The following NET1 variants were observed in gnomAD, a reference collection of about 807,000 sequenced individuals.
NET1 encodes neuroepithelial cell transforming 1.
In NET1, 42 loss-of-function variants were observed where a neutral mutation model predicts 61.1. The ratio of observed to expected loss-of-function variants is 0.69; its 90% CI spans 0.54 to 0.89. NET1 has a LOEUF of 0.89. Among genes scored for constraint, NET1 ranks in the 40% least tolerant of loss-of-function variants. The pLI, the probability that NET1 is intolerant of heterozygous loss-of-function variation, is 0.00. For missense variants in NET1, 654 were observed against 747.3 expected (o/e 0.88, Z 1.46); for synonymous variants, 254 against 281.8 (o/e 0.90, Z 0.99).
rs11294583 is a variant in NET1 at position 5,437,668 on chromosome 10, A to AT, written c.255+8450dup. Among the ~76,000 whole-genome samples the AT allele has an allele frequency of 0.69, 102,937 of 149,848 alleles. 35,419 individuals are homozygous for AT. Among genetic ancestry groups the AT allele is most frequent in the Admixed American group, 0.74 (11,068 of 15,028 alleles). The stretch of plus-strand genomic sequence containing the variant: ...TTTTCAACTCTGTATTTTCCCTAGT[A>AT]TTTTTTTTTTTAACCAACTATTGGG... On this transcript the variant is annotated intron_variant, in intron 3 of 11. Coordinates refer to ENST00000355029, the MANE Select transcript of NET1 (RefSeq NM_001047160.3). This position sits in a 1 kb window ranked among gnomAD's most constrained non-coding sequence, Gnocchi z 4.3.
At position 5,456,421 on chromosome 10, in the gene NET1, A is replaced by T; in HGVS notation, c.1384+148A>T. ...GAGTTGTCCAGGCCTTCCCAGCTCG[A>T]ACACCCGCAGGTGTATCTAAGAAAT... On this transcript the variant is annotated intron_variant, in intron 11 of 11. Transcript: ENST00000355029. The surrounding 1 kb of genome is among the most constrained non-coding windows in gnomAD (Gnocchi z 7.0). 1 of 1,030,720 alleles carries T rather than the reference A, an allele frequency of 9.7e-7. No homozygotes were observed. 63.8% of individuals were successfully genotyped at this position (1,030,720 alleles called of 1,614,324 possible). A position where few individuals can be genotyped will look rare whatever the true frequency, so the allele number is the denominator to read the frequency against.
chr10:5,455,511 A>T lies in NET1; in HGVS notation c.1197+393A>T, dbSNP rs60653996. ...AAGCAGATTGAATGAATGCAAATGT[A>T]TTTTTTAAATGCTAATTATAAAAGT... On this transcript the variant is annotated intron_variant, in intron 10 of 11. Coordinates refer to ENST00000355029, the MANE Select transcript of NET1 (RefSeq NM_001047160.3). This position sits in a 1 kb window ranked among gnomAD's most constrained non-coding sequence, Gnocchi z 6.5. Among the ~76,000 whole-genome samples, 3,225 of 152,304 alleles carry T rather than the reference A, an allele frequency of 0.021. 97 individuals carry two copies. Among genetic ancestry groups the T allele is most frequent in the African/African-American group, 0.073 (3,045 of 41,550 alleles).
chr10:5,433,375 G>T (rs1193982656), intron 3 of NET1, among the ~76,000 whole-genome samples: 1 of 152,170 alleles, frequency 6.6e-6, no homozygotes, highest in Non-Finnish European at 1.5e-5. Context: ...AAACACTGCA[G>T]TATCTGGGCT....
In NET1 at chr10:5,457,708, GTGTA is replaced by G. The variant is rs1187930189; in HGVS notation, c.*718_*721del. 1 of 151,946 alleles carries G rather than the reference GTGTA, an allele frequency of 6.6e-6. No individual in the cohort carries two copies. Among genetic ancestry groups the G allele is most frequent in the Non-Finnish European group, 1.5e-5 (1 of 67,862 alleles). 9.4% of individuals were successfully genotyped at this position (151,946 alleles called of 1,614,324 possible). The stretch of plus-strand genomic sequence containing the variant: ...TTTTTCTTCCTGATTAAAAATGTGT[GTGTA>G]TGTGTGTGTGTGTGTGTATATATAT... On this transcript the variant is annotated 3_prime_UTR_variant, in exon 12 of 12. Coordinates refer to ENST00000355029, the MANE Select transcript of NET1 (RefSeq NM_001047160.3). The surrounding 1 kb of genome is among the most constrained non-coding windows in gnomAD (Gnocchi z 5.4).
At chr10:5,429,861 G>A (rs1832321198) in intron 3 of NET1, among the ~76,000 whole-genome samples, 1 of 151,076 alleles carries the variant, frequency 6.6e-6, no homozygotes, top group Admixed American at 6.6e-5. Flanking sequence ...GTAGCATCTT[G>A]GTTTTGGAGA....
In NET1 at chr10:5,455,796, T is replaced by C. The variant is rs1832787081; in HGVS notation, c.1198-291T>C. Among the ~76,000 whole-genome samples the C allele has an allele frequency of 6.6e-6, 1 of 152,244 alleles. No homozygotes were observed. Among genetic ancestry groups the C allele is most frequent in the South Asian group, 2.1e-4 (1 of 4,828 alleles). ...TATACAACGCTAGTGTTTCAAGTCA[T>C]GTTGCTACTAATAGGTCTTTGTGAT... On this transcript the variant is annotated intron_variant, in intron 10 of 11. Coordinates refer to ENST00000355029, the MANE Select transcript of NET1 (RefSeq NM_001047160.3). This position sits in a 1 kb window ranked among gnomAD's most constrained non-coding sequence, Gnocchi z 6.5.
At chr10:5,432,107 T>C (rs895150490) in intron 3 of NET1, among the ~76,000 whole-genome samples, 9 of 152,228 alleles carry the variant, frequency 5.9e-5, no homozygotes, top group Non-Finnish European at 1.3e-4. Context: ...AAAAGGAGTC[T>C]GGTTGCTTTG....
At position 5,454,637 on chromosome 10, in the gene NET1, T is replaced by G. The variant is rs1255228967; in HGVS notation, c.1026+115T>G. The G allele has an allele frequency of 1.6e-5, 20 of 1,269,610 alleles. No homozygotes were observed. In the East Asian group the frequency reaches 4.8e-4, roughly 30 times the overall value. 78.6% of individuals were successfully genotyped at this position (1,269,610 alleles called of 1,614,324 possible). A position where few individuals can be genotyped will look rare whatever the true frequency, so the allele number is the denominator to read the frequency against. On this transcript the variant is annotated intron_variant, in intron 9 of 11. Transcript: ENST00000355029. The surrounding 1 kb of genome is among the most constrained non-coding windows in gnomAD (Gnocchi z 8.1). ...TCAGCATAGTGAATTGTTTTGTTGT[T>G]TTAAGTACCCAGTGCGTTAGTACGC...
In NET1 at chr10:5,447,644, A is replaced by G. The variant is rs1832637330; in HGVS notation, c.256-4186A>G. ...ACTTATCTAATTGTGCATTTTAAAT[A>G]TGTAAAGCTTACTGAATACCCCAGC... is the stretch of plus-strand genomic sequence containing the variant. On this transcript the variant is annotated intron_variant, in intron 3 of 11. Coordinates refer to ENST00000355029, the MANE Select transcript of NET1 (RefSeq NM_001047160.3). This position sits in a 1 kb window ranked among gnomAD's most constrained non-coding sequence, Gnocchi z 4.1. Among the ~76,000 whole-genome samples the G allele has an allele frequency of 6.6e-6, 1 of 152,216 alleles. No individual in the cohort carries two copies. The highest frequency in any genetic ancestry group is 2.1e-4 in the South Asian group (1 of 4,836).
Position 5,429,097 on chromosome 10 carries a change from T to TA in NET1, c.196-73_196-72insA, listed in dbSNP as rs1564460390. 3 of 1,075,018 alleles carry TA rather than the reference T, an allele frequency of 2.8e-6. No individual in the cohort carries two copies. The Admixed American group carries it at 6.5e-5, about 23-fold the overall frequency. The allele number at this position is 1,075,018 out of a possible 1,614,324, so 66.6% of individuals were successfully genotyped here. A position where few individuals can be genotyped will look rare whatever the true frequency, so the allele number is the denominator to read the frequency against. ...CTTTTTTAAATTGATTTTTCTAGTT[T>TA]TATAGAGTCTTTGTTTTGTGAGGTA... On this transcript the variant is annotated intron_variant, in intron 2 of 11. Transcript: ENST00000355029.
In NET1 at chr10:5,456,053, T is replaced by A. The variant is rs751038021; in HGVS notation, c.1198-34T>A. The A allele has an allele frequency of 6.3e-7, 1 of 1,577,734 alleles. No individual in the cohort carries two copies. Among genetic ancestry groups the A allele is most frequent in the South Asian group, 1.2e-5 (1 of 86,366 alleles). On this transcript the variant is annotated intron_variant, in intron 10 of 11. Transcript: ENST00000355029. This position sits in a 1 kb window ranked among gnomAD's most constrained non-coding sequence, Gnocchi z 7.0. Reference sequence around the variant, plus strand: ...TATTTCAGTCACTTAAAAACACAAGTTTCCTATTTAGCGTTTGTTTCCCAT... The same window carrying A: ...TATTTCAGTCACTTAAAAACACAAGATTCCTATTTAGCGTTTGTTTCCCAT...
In NET1 at chr10:5,446,934, T is replaced by A; in HGVS notation, c.256-4896T>A. ...GGAGCTTTTAAAATTTTTAACAAGG[T>A]ATTAACAGTATAATTTTAAACTTTT... is the stretch of plus-strand genomic sequence containing the variant. On this transcript the variant is annotated intron_variant, in intron 3 of 11. Coordinates refer to ENST00000355029, the MANE Select transcript of NET1 (RefSeq NM_001047160.3). This position sits in a 1 kb window ranked among gnomAD's most constrained non-coding sequence, Gnocchi z 5.0. 1 of 1,143,794 alleles carries A rather than the reference T, an allele frequency of 8.7e-7. No individual in the cohort carries two copies. The highest frequency in any genetic ancestry group is 1.2e-6 in the Non-Finnish European group (1 of 808,270). The allele number at this position is 1,143,794 out of a possible 1,614,324, so 70.9% of individuals were successfully genotyped here.
At chr10:5,442,126 A>T (rs796463083) in intron 3 of NET1, among the ~76,000 whole-genome samples, 5 of 152,324 alleles carry the variant, frequency 3.3e-5, no homozygotes, top group African/African-American at 1.2e-4. Context: ...GAAAATACAG[A>T]TTTTACTGGT....
rs1337259261 is a variant in NET1, at chr10:5,412,666, C to G, written c.-27C>G. On this transcript the variant is annotated 5_prime_UTR_variant, in exon 1 of 12. Coordinates refer to ENST00000355029, the MANE Select transcript of NET1 (RefSeq NM_001047160.3). The surrounding 1 kb of genome is among the most constrained non-coding windows in gnomAD (Gnocchi z 6.5). The stretch of plus-strand genomic sequence containing the variant: ...CCCTGCCGGTCTCCCGGGCACCCGG[C>G]CACCGCCCCACCCCCTCCTCCGTGC... 1.4e-6 allele frequency: 2 copies of G among 1,454,702 alleles called. No individual in the cohort carries two copies. The highest frequency in any genetic ancestry group is 3.0e-5 in the East Asian group (1 of 33,324). The allele number at this position is 1,454,702 out of a possible 1,614,324, so 90.1% of individuals were successfully genotyped here. A position where few individuals can be genotyped will look rare whatever the true frequency, so the allele number is the denominator to read the frequency against.
In NET1 at chr10:5,417,051, A is replaced by G. The variant is rs763705749; in HGVS notation, c.128+4231A>G. Among the ~76,000 whole-genome samples the G allele has an allele frequency of 5.9e-5, 9 of 152,198 alleles. No individual in the cohort carries two copies. Among genetic ancestry groups the G allele is most frequent in the Non-Finnish European group, 1.0e-4 (7 of 68,034 alleles). Reference sequence around the variant, plus strand: ...ATAGAGTGGAAGTAGCTCTCAGCAGATGGGGGAGCCAGAAGGGAAATGGTT... The same window carrying G: ...ATAGAGTGGAAGTAGCTCTCAGCAGGTGGGGGAGCCAGAAGGGAAATGGTT... On this transcript the variant is annotated intron_variant, in intron 1 of 11. Coordinates refer to ENST00000355029, the MANE Select transcript of NET1 (RefSeq NM_001047160.3). The surrounding 1 kb of genome is among the most constrained non-coding windows in gnomAD (Gnocchi z 5.5).
rs984864411 is a variant in NET1, at chr10:5,443,154, G to A, written c.256-8676G>A. On this transcript the variant is annotated intron_variant, in intron 3 of 11. Transcript: ENST00000355029. This position sits in a 1 kb window ranked among gnomAD's most constrained non-coding sequence, Gnocchi z 4.8. ...GCACCTAGTGTGTCTCAGAACATGT[G>A]CTAAAGGTTTTATATGGGTTATCTT... 6.6e-6 allele frequency among the ~76,000 whole-genome samples: 1 copy of A among 152,138 alleles called. No individual in the cohort carries two copies. Among genetic ancestry groups the A allele is most frequent in the East Asian group, 1.9e-4 (1 of 5,192 alleles).
At chr10:5,414,036 G>A (rs1281493616) in intron 1 of NET1, among the ~76,000 whole-genome samples, 4 of 152,192 alleles carry the variant, frequency 2.6e-5, no homozygotes, top group African/African-American at 9.7e-5. Flanking sequence ...TTAAGGACCA[G>A]TTTAGAGAGC....
Position 5,454,143 on chromosome 10 carries a change from T to G in NET1, c.769-122T>G. The G allele has an allele frequency of 1.0e-6, 1 of 1,004,838 alleles. No individual in the cohort carries two copies. The highest frequency in any genetic ancestry group is 1.5e-6 in the Non-Finnish European group (1 of 682,360). 62.2% of individuals were successfully genotyped at this position (1,004,838 alleles called of 1,614,324 possible). On this transcript the variant is annotated intron_variant, in intron 8 of 11. Coordinates refer to ENST00000355029, the MANE Select transcript of NET1 (RefSeq NM_001047160.3). This position sits in a 1 kb window ranked among gnomAD's most constrained non-coding sequence, Gnocchi z 8.1. ...GCTTCCATTATTATCTGCCAGAAAA[T>G]GTCCACAGCTTGTTAAAACTCTCAA... is the stretch of plus-strand genomic sequence containing the variant.
rs1274170105 is a variant in NET1, at chr10:5,423,620, A to G, written c.129-3035A>G. ...ATAGAAAAATACATTGGATATATGG[A>G]CAAAAATTCTTGAAAAGGTGGACTG... is the stretch of plus-strand genomic sequence containing the variant. On this transcript the variant is annotated intron_variant, in intron 1 of 11. Coordinates refer to ENST00000355029, the MANE Select transcript of NET1 (RefSeq NM_001047160.3). The surrounding 1 kb of genome is among the most constrained non-coding windows in gnomAD (Gnocchi z 4.4). Among the ~76,000 whole-genome samples the G allele has an allele frequency of 1.3e-5, 2 of 152,180 alleles. No individual in the cohort carries two copies. Among genetic ancestry groups the G allele is most frequent in the Non-Finnish European group, 2.9e-5 (2 of 68,000 alleles).
Sources: gnomAD v4.1 joint callset for allele counts (sites outside exome capture counted in the v4.1 genomes callset) on GRCh38, gnomAD v4.1.1 for gene constraint, Gnocchi (gnomAD v3.1) non-coding constraint, MANE v1.5 for transcripts, NCBI Gene and HGNC (gene_info 2026-07-23, HGNC 2026-07-21) for gene names.